RYR2: variants seen among roughly 807,000 people sequenced by gnomAD.
RYR2 encodes the protein ryanodine receptor 2.
In RYR2, 227 loss-of-function variants were observed where a neutral mutation model predicts 601.1. The ratio of observed to expected loss-of-function variants is 0.38; its 90% CI spans 0.34 to 0.42. RYR2 has a LOEUF of 0.42. Ranked by LOEUF, RYR2 falls within the 10% of genes least tolerant of loss-of-function variation. RYR2 has a pLI of 1.00. For missense variants in RYR2, 4,646 were observed against 6,156.5 expected, an observed-to-expected ratio of 0.75 and a Z score of 8.21; for synonymous variants, 2,223 against 2,175.1, an observed-to-expected ratio of 1.02 and a Z score of -0.61.
chr1:237,705,976 C>A (rs1021373730), intron 67 of RYR2, among the ~76,000 whole-genome samples: 2 of 152,090 alleles, frequency 1.3e-5, no homozygotes, highest in Non-Finnish European at 2.9e-5. Context: ...AAGGGCTGGG[C>A]GCAGTGGCTC....
intron 1 of RYR2, among the ~76,000 whole-genome samples, chr1:237,165,492 G>A (rs1284945453): frequency 1.3e-5 from 2 of 152,118 alleles, no homozygotes; most frequent in Non-Finnish European, 2.9e-5. Context: ...GCTTTCCTTA[G>A]GGGGTGGAAA....
At chr1:237,575,762 G>C (rs1359984920) in intron 29 of RYR2, among the ~76,000 whole-genome samples, 1 of 152,112 alleles carries the variant, frequency 6.6e-6, no homozygotes, top group Non-Finnish European at 1.5e-5. Context: ...TGTGCTAAAA[G>C]ATTTTTTCTA....
intron 3 of RYR2, among the ~76,000 whole-genome samples, chr1:237,345,330 T>C (rs1698199906): frequency 6.6e-6 from 1 of 152,204 alleles, no homozygotes; most frequent in African/African-American, 2.4e-5. Flanking sequence ...TCATAGTATA[T>C]AGATCTAAAA....
chr1:237,668,207 C>T (rs1684492641), intron 58 of RYR2, among the ~76,000 whole-genome samples: 1 of 152,120 alleles, frequency 6.6e-6, no homozygotes, highest in South Asian at 2.1e-4. Flanking sequence ...TACTTCTCAT[C>T]CTGATATCTG....
rs771765646 is a variant in RYR2, at chr1:237,181,046, T to C, written c.49-89451T>C. Reference sequence around the variant, plus strand: ...TCACCCAGGCTGGAGTGCAATGGCATGACCTTGGCTCATTGCAACCTCCAC... The same window carrying C: ...TCACCCAGGCTGGAGTGCAATGGCACGACCTTGGCTCATTGCAACCTCCAC... On this transcript the variant is annotated intron_variant, in intron 1 of 104. Coordinates refer to ENST00000366574, the MANE Select transcript of RYR2 (RefSeq NM_001035.3). Among the ~76,000 whole-genome samples the C allele has an allele frequency of 6.8e-4, 103 of 152,046 alleles. 1 individual carries two copies. Among genetic ancestry groups the C allele is most frequent in the African/African-American group, 2.2e-3 (93 of 41,450 alleles).
At chr1:237,613,964 C>A (rs1678181456) in intron 36 of RYR2, 75 bp from the exon 37 acceptor site, 1 of 1,400,734 alleles carries the variant, frequency 7.1e-7, no homozygotes, top group Non-Finnish European at 9.8e-7. Context: ...ACAGTGCATA[C>A]TGATTTCTCC....
At chr1:237,701,539 AG>A (rs1687970379) in intron 65 of RYR2, among the ~76,000 whole-genome samples, 1 of 151,856 alleles carries the variant, frequency 6.6e-6, no homozygotes, top group Admixed American at 6.6e-5. Context: ...AAAAAAAAAA[AG>A]CAGATGTGCC....
chr1:237,691,288 A>AAGAT (rs1458499383), intron 63 of RYR2, among the ~76,000 whole-genome samples: 1 of 152,178 alleles, frequency 6.6e-6, no homozygotes, highest in East Asian at 1.9e-4. Flanking sequence ...AGGATGTAGA[A>AAGAT]AGATACATGT....
chr1:237,121,454 T>C (rs1670769586), intron 1 of RYR2, among the ~76,000 whole-genome samples: 1 of 152,186 alleles, frequency 6.6e-6, no homozygotes, highest in Admixed American at 6.5e-5. Context: ...AAAAATGTAT[T>C]TGCAAGAGAA....
chr1:237,309,760 G>A (rs562836174), intron 2 of RYR2, among the ~76,000 whole-genome samples: 296 of 152,300 alleles, frequency 1.9e-3, no homozygotes, highest in African/African-American at 6.7e-3. Context: ...TGCAGGTCCC[G>A]TGCCCTGCCC....
chr1:237,626,580 CTTTTTTTT>C lies in RYR2; in HGVS notation c.6166+800_6166+807del, dbSNP rs60885998. ...TTCTTTTCTTTTTCTTTTTCTTTTT[CTTTTTTTT>C]TTTTTTTTTTTTTTTTTTTTTTTGA... is the stretch of plus-strand genomic sequence containing the variant. On this transcript the variant is annotated intron_variant, in intron 40 of 104. Coordinates refer to ENST00000366574, the MANE Select transcript of RYR2 (RefSeq NM_001035.3). 2.2e-3 allele frequency among the ~76,000 whole-genome samples: 89 copies of C among 40,060 alleles called. 1 individual carries two copies. Among genetic ancestry groups the C allele is most frequent in the African/African-American group, 7.2e-3 (75 of 10,452 alleles). 26.3% of individuals were successfully genotyped at this position (40,060 alleles called of 152,430 possible). A position where few individuals can be genotyped will look rare whatever the true frequency, so the allele number is the denominator to read the frequency against.
chr1:237,420,500 A>G (rs952002253), intron 11 of RYR2, among the ~76,000 whole-genome samples: 19 of 150,986 alleles, frequency 1.3e-4, no homozygotes, highest in Non-Finnish European at 2.9e-5. Context: ...AGTTTTTACT[A>G]CATATGATTT....
chr1:237,339,287 C>T (rs1697532401), intron 3 of RYR2, among the ~76,000 whole-genome samples: 1 of 152,064 alleles, frequency 6.6e-6, no homozygotes, highest in Admixed American at 6.6e-5. Context: ...ATGATAAGAA[C>T]TCAACAAATT....
chr1:237,752,311 C>T (rs1004290173), intron 80 of RYR2, among the ~76,000 whole-genome samples: 2 of 152,032 alleles, frequency 1.3e-5, no homozygotes, highest in Non-Finnish European at 2.9e-5. Flanking sequence ...CACCACGAAG[C>T]CTGGCTATTT....
chr1:237,407,329 G>C (rs1367168573), intron 10 of RYR2, among the ~76,000 whole-genome samples: 5 of 151,358 alleles, frequency 3.3e-5, no homozygotes, highest in Admixed American at 6.6e-5. Context: ...CACAATTGGT[G>C]AATCCTATGG....
At chr1:237,333,536 G>C in intron 3 of RYR2, 1 of 452,966 alleles carries the variant, frequency 2.2e-6, no homozygotes, top group Non-Finnish European at 4.4e-6. Context: ...GAGCACTGTG[G>C]GGACTTGCGG....
rs527556970 is a variant in RYR2 at position 237,548,738 on chromosome 1, G to T, written c.3066+148G>T. The T allele has an allele frequency of 1.3e-5, 13 of 1,005,272 alleles. No homozygotes were observed. In the East Asian group the frequency reaches 3.2e-4, roughly 24 times the overall value. The allele number at this position is 1,005,272 out of a possible 1,614,324, so 62.3% of individuals were successfully genotyped here. Reference sequence around the variant, plus strand: ...ATTTGGACTAAAACAGCTGTTTAATGCTAGACTCAAGAATTTACATGACCT... The same window carrying T: ...ATTTGGACTAAAACAGCTGTTTAATTCTAGACTCAAGAATTTACATGACCT... On this transcript the variant is annotated intron_variant, in intron 26 of 104. Coordinates refer to ENST00000366574, the MANE Select transcript of RYR2 (RefSeq NM_001035.3).
intron 16 of RYR2, among the ~76,000 whole-genome samples, chr1:237,467,360 T>G (rs1204856708): frequency 6.6e-6 from 1 of 152,004 alleles, no homozygotes; most frequent in Non-Finnish European, 1.5e-5. Flanking sequence ...TATCATGTCC[T>G]TTTTCCCAGT....
At chr1:237,739,386 A>AG (rs1691418415) in intron 79 of RYR2, among the ~76,000 whole-genome samples, 2 of 152,052 alleles carry the variant, frequency 1.3e-5, no homozygotes, top group Non-Finnish European at 2.9e-5. Flanking sequence ...TCGATTCCTT[A>AG]GAATGTCTCT....
Sources: gnomAD v4.1 joint callset for allele counts (sites outside exome capture counted in the v4.1 genomes callset) on GRCh38, gnomAD v4.1.1 for gene constraint, MANE v1.5 for transcripts, NCBI Gene and HGNC (gene_info 2026-07-23, HGNC 2026-07-21) for gene names.